SOX5: variants seen among roughly 807,000 people sequenced by gnomAD.
SOX5 encodes SRY-box transcription factor 5.
A neutral mutation model predicts 92.0 loss-of-function variants in SOX5; 9 were observed. The observed-to-expected ratio is 0.10, with a 90% confidence interval of 0.06 to 0.17. SOX5 has a LOEUF of 0.17. Among genes scored for constraint, SOX5 ranks in the 10% least tolerant of loss-of-function variants. The pLI is 1.00. For missense variants in SOX5, 642 were observed against 944.5 expected, an observed-to-expected ratio of 0.68 and a Z score of 4.20; for synonymous variants, 344 against 336.3, an observed-to-expected ratio of 1.02 and a Z score of -0.25.
intron 6 of SOX5, among the ~76,000 whole-genome samples, chr12:23,700,626 C>A (rs532223976): frequency 3.0e-4 from 45 of 152,092 alleles, no homozygotes; most frequent in African/African-American, 1.1e-3. Flanking sequence ...GTGGCCACTA[C>A]AATTTTAAAT....
chr12:24,506,232 T>C (rs1423211661), intron 1 of SOX5, among the ~76,000 whole-genome samples: 1 of 152,202 alleles, frequency 6.6e-6, no homozygotes, highest in East Asian at 1.9e-4. Context: ...ATCCCACTGC[T>C]TGGAATACCA....
intron 4 of SOX5, among the ~76,000 whole-genome samples, chr12:24,103,115 T>C (rs1784648990): frequency 6.6e-6 from 1 of 152,218 alleles, no homozygotes; most frequent in African/African-American, 2.4e-5. Context: ...CACACTGTTA[T>C]TGCAAAGTTC....
At chr12:23,803,966 G>A (rs890378752) in intron 3 of SOX5, among the ~76,000 whole-genome samples, 2 of 152,186 alleles carry the variant, frequency 1.3e-5, no homozygotes, top group African/African-American at 4.8e-5. Flanking sequence ...TGTTCAGGTA[G>A]TTACAGACAT....
chr12:23,897,201 A>G lies in SOX5; in HGVS notation c.39-1177T>C, dbSNP rs564771822. On this transcript the variant is annotated intron_variant, in intron 1 of 14. Transcript: ENST00000451604. ...GGCAGGGAAGTATTTACTAACTACC[A>G]CAACACTTCCTTCATATAGATCACT... Among the ~76,000 whole-genome samples the G allele has an allele frequency of 5.3e-5, 8 of 152,296 alleles. No homozygotes were observed. The East Asian group carries it at 1.5e-3, about 29-fold the overall frequency.
chr12:23,541,689 C>G (rs1942078248), intron 13 of SOX5, among the ~76,000 whole-genome samples: 1 of 152,130 alleles, frequency 6.6e-6, no homozygotes, highest in South Asian at 2.1e-4. Context: ...ATGTTCATGT[C>G]TTTTTAGATA....
chr12:23,956,683 T>C (rs1225442962), intron 4 of SOX5, among the ~76,000 whole-genome samples: 1 of 127,888 alleles, frequency 7.8e-6, no homozygotes. Context: ...CTTGCCTAAG[T>C]CTTTTTTTTT....
At chr12:23,823,883 G>T (rs12312920) in intron 3 of SOX5, among the ~76,000 whole-genome samples, 19,298 of 152,098 alleles carry the variant, frequency 0.13, 1,318 homozygotes, top group Non-Finnish European at 0.15. Context: ...ATCTCTGATA[G>T]CCTTTCTTTC....
At chr12:23,901,361 A>G (rs1404378700) in intron 1 of SOX5, among the ~76,000 whole-genome samples, 1 of 152,208 alleles carries the variant, frequency 6.6e-6, no homozygotes, top group African/African-American at 2.4e-5. Context: ...CCAAAACTGT[A>G]AAAGAATACA....
In SOX5 at chr12:24,068,733, TATATATATATATATAC is replaced by T. The variant is rs1312374152; in HGVS notation, c.-2+144594_-2+144609del. 1.2e-3 allele frequency among the ~76,000 whole-genome samples: 106 copies of T among 92,064 alleles called. 1 individual carries two copies. The highest frequency in any genetic ancestry group is 1.5e-3 in the Admixed American group (14 of 9,624). The allele number at this position is 92,064 out of a possible 152,430, so 60.4% of individuals were successfully genotyped here. The stretch of plus-strand genomic sequence containing the variant: ...ATATATATATATATATATATATATA[TATATATATATATATAC>T]ACACACACACATTAGTTCCTAGTTT... On this transcript the variant is annotated intron_variant, in intron 4 of 4. Coordinates refer to the SOX5 transcript ENST00000446891.
intron 4 of SOX5, among the ~76,000 whole-genome samples, chr12:23,748,598 G>A (rs1224686757): frequency 6.6e-6 from 1 of 151,908 alleles, no homozygotes; most frequent in Non-Finnish European, 1.5e-5. Context: ...TGTCCTAGAA[G>A]TTTAGAGCTA....
chr12:23,867,790 A>G (rs1036612283), intron 2 of SOX5, among the ~76,000 whole-genome samples: 1 of 151,844 alleles, frequency 6.6e-6, no homozygotes, highest in Admixed American at 6.6e-5. Context: ...CTGTAAATTA[A>G]GCTCTAGCTG....
intron 4 of SOX5, among the ~76,000 whole-genome samples, chr12:24,093,575 T>C (rs1419015359): frequency 1.3e-5 from 2 of 151,836 alleles, no homozygotes; most frequent in East Asian, 1.9e-4. Context: ...TTCTCCATTC[T>C]GTTCAAAAAA....
chr12:23,866,036 G>C (rs1455285473), intron 2 of SOX5, among the ~76,000 whole-genome samples: 1 of 152,202 alleles, frequency 6.6e-6, no homozygotes, highest in Non-Finnish European at 1.5e-5. Context: ...ACTTCTTATA[G>C]ATGAGCAAAG....
chr12:23,988,586 A>G (rs576079019), intron 4 of SOX5, among the ~76,000 whole-genome samples: 2 of 152,346 alleles, frequency 1.3e-5, no homozygotes, highest in African/African-American at 4.8e-5. Context: ...ACCATAAATA[A>G]GCAAGCACTA....
chr12:23,584,542 C>A, intron 9 of SOX5: 1 of 1,598,690 alleles, frequency 6.3e-7, no homozygotes. Context: ...CCAGTGCTCA[C>A]ATACATGCAT....
At chr12:23,954,887 C>T (rs1341447487), upstream of SOX5, among the ~76,000 whole-genome samples, 1 of 152,062 alleles carries the variant, frequency 6.6e-6, no homozygotes, top group Non-Finnish European at 1.5e-5. Flanking sequence ...ACTGCTTTCA[C>T]TGTTTGATCT....
At chr12:24,358,312 T>G (rs938088896) in intron 2 of SOX5, among the ~76,000 whole-genome samples, 6 of 152,182 alleles carry the variant, frequency 3.9e-5, no homozygotes, top group Non-Finnish European at 7.4e-5. Context: ...AAATTGAGGA[T>G]TTCCTTTTAC....
intron 1 of SOX5, among the ~76,000 whole-genome samples, chr12:23,912,369 G>A (rs1354738229): frequency 6.6e-6 from 1 of 152,078 alleles, no homozygotes; most frequent in African/African-American, 2.4e-5. Context: ...GAGAAGATGT[G>A]GATAAATTGG....
chr12:24,169,719 C>T lies in SOX5; in HGVS notation c.-2+43624G>A, dbSNP rs1013132392. On this transcript the variant is annotated intron_variant, in intron 4 of 4. Coordinates refer to the SOX5 transcript ENST00000446891. ...TAAAAGGACCTAGATTAGGATGCCA[C>T]GTGCGATGCTGCATAATGGTAGCCT... Among the ~76,000 whole-genome samples the T allele has an allele frequency of 4.6e-5, 7 of 152,314 alleles. No homozygotes were observed. The South Asian group carries it at 8.3e-4, about 18-fold the overall frequency.
Sources: allele counts gnomAD v4.1 joint callset (sites outside exome capture counted in the v4.1 genomes callset), GRCh38; gene constraint gnomAD v4.1.1; transcripts MANE v1.5; gene names NCBI Gene and HGNC (gene_info 2026-07-23, HGNC 2026-07-21).